CWC27: variants seen among roughly 807,000 people sequenced by gnomAD.
CWC27 encodes CWC27 spliceosome associated cyclophilin.
In CWC27, 47 loss-of-function variants were observed where a neutral mutation model predicts 63.6. That is an observed-to-expected ratio of 0.74 (90% CI 0.58 to 0.94). CWC27 has a LOEUF of 0.94. Ranked by LOEUF, CWC27 falls within the 40% of genes least tolerant of loss-of-function variation. CWC27 has a pLI of 0.00. For synonymous variants in CWC27, 175 were observed against 179.8 expected, an observed-to-expected ratio of 0.97 and a Z score of 0.22; for missense variants, 495 against 554.3, an observed-to-expected ratio of 0.89 and a Z score of 1.07.
intron 11 of CWC27, among the ~76,000 whole-genome samples, chr5:64,903,829 T>G (rs2112367545): frequency 6.6e-6 from 1 of 152,332 alleles, no homozygotes; most frequent in Non-Finnish European, 1.5e-5. Context: ...TATCGTGCAT[T>G]AATTTTTTTG....
chr5:64,788,117 A>G (rs1049354936), intron 6 of CWC27, among the ~76,000 whole-genome samples: 3 of 152,094 alleles, frequency 2.0e-5, no homozygotes, highest in Non-Finnish European at 4.4e-5. Flanking sequence ...TGATTTTTAA[A>G]AATTCTTTGA....
chr5:65,012,220 T>C (rs183024928), intron 13 of CWC27, among the ~76,000 whole-genome samples: 4 of 152,220 alleles, frequency 2.6e-5, no homozygotes, highest in Non-Finnish European at 5.9e-5. Context: ...AATCCATCTT[T>C]ACAGGATGAA....
intron 10 of CWC27, among the ~76,000 whole-genome samples, chr5:64,815,055 T>C (rs1014188093): frequency 6.6e-6 from 1 of 152,122 alleles, no homozygotes; most frequent in Non-Finnish European, 1.5e-5. Context: ...GTAATAAGCA[T>C]TGAGATAGGA....
intron 13 of CWC27, among the ~76,000 whole-genome samples, chr5:64,979,715 C>T (rs547252261): frequency 3.9e-4 from 60 of 152,228 alleles, no homozygotes; most frequent in African/African-American, 1.3e-3. Context: ...AGCCATTGTG[C>T]TGTACTACAC....
At chr5:64,871,366 C>G (rs1746672353) in intron 10 of CWC27, among the ~76,000 whole-genome samples, 2 of 151,936 alleles carry the variant, frequency 1.3e-5, no homozygotes, top group South Asian at 4.2e-4. Flanking sequence ...CCAGTAAAGT[C>G]TTTATGGAGA....
intron 11 of CWC27, among the ~76,000 whole-genome samples, chr5:64,955,096 C>T (rs12656191): frequency 0.39 from 58,658 of 151,846 alleles, 11,829 homozygotes; most frequent in Non-Finnish European, 0.45. Context: ...ATGATATCTA[C>T]TCCCTGCTTC....
intron 10 of CWC27, among the ~76,000 whole-genome samples, chr5:64,815,497 T>C (rs1172451426): frequency 1.3e-5 from 2 of 152,210 alleles, no homozygotes; most frequent in Non-Finnish European, 2.9e-5. Flanking sequence ...GGATGAAGTA[T>C]AAACCTTTCA....
At chr5:64,919,659 C>T (rs898694104) in intron 11 of CWC27, among the ~76,000 whole-genome samples, 10 of 152,148 alleles carry the variant, frequency 6.6e-5, no homozygotes, top group African/African-American at 2.4e-4. Flanking sequence ...TCTCCAGTGC[C>T]ATCCATGTTG....
At chr5:64,893,095 G>A (rs998732499) in intron 11 of CWC27, among the ~76,000 whole-genome samples, 10 of 152,226 alleles carry the variant, frequency 6.6e-5, no homozygotes, top group African/African-American at 2.2e-4. Context: ...GCACACACAC[G>A]TGTTTTATTG....
At chr5:64,956,892 GAATT>G (rs1430350621) in intron 11 of CWC27, among the ~76,000 whole-genome samples, 1 of 152,040 alleles carries the variant, frequency 6.6e-6, no homozygotes, top group Non-Finnish European at 1.5e-5. Context: ...TGTTGTTACA[GAATT>G]AAGTAATAAA....
intron 10 of CWC27, among the ~76,000 whole-genome samples, chr5:64,852,522 A>C (rs1053778293): frequency 6.6e-6 from 1 of 150,940 alleles, no homozygotes; most frequent in Non-Finnish European, 1.5e-5. Flanking sequence ...CAGAGGCTGG[A>C]GTGCAGCGGC....
intron 11 of CWC27, among the ~76,000 whole-genome samples, chr5:64,899,522 C>T (rs73107218): frequency 0.011 from 1,657 of 152,086 alleles, 25 homozygotes; most frequent in African/African-American, 0.038. Context: ...TATGACAACA[C>T]GAAGAGCACA....
chr5:64,863,356 C>T (rs1052837617), intron 10 of CWC27, among the ~76,000 whole-genome samples: 1 of 152,024 alleles, frequency 6.6e-6, no homozygotes, highest in Non-Finnish European at 1.5e-5. Context: ...CTCTTTTACT[C>T]AAGACTAATA....
Position 64,981,669 on chromosome 5 carries a change from TA to T in CWC27, c.1256+4432del, listed in dbSNP as rs534910402. 4.9e-3 allele frequency among the ~76,000 whole-genome samples: 743 copies of T among 152,334 alleles called. 22 individuals carry two copies. The highest frequency in any genetic ancestry group is 0.044 in the Admixed American group (668 of 15,310). Reference sequence around the variant, plus strand: ...GTACTCCAAAGTAAATACTTGTCTTTAGGGCTATTAGAATCTCAAGAATTAA... The same window carrying T: ...GTACTCCAAAGTAAATACTTGTCTTTGGGCTATTAGAATCTCAAGAATTAA... On this transcript the variant is annotated intron_variant, in intron 13 of 13. Coordinates refer to ENST00000381070, the MANE Select transcript of CWC27 (RefSeq NM_005869.4).
chr5:64,821,786 T>G (rs1369666328), intron 10 of CWC27, among the ~76,000 whole-genome samples: 2 of 152,210 alleles, frequency 1.3e-5, no homozygotes, highest in Non-Finnish European at 2.9e-5. Flanking sequence ...TCCCAGAACT[T>G]GGCAATATAG....
Position 64,769,207 on chromosome 5 carries a change from G to T in CWC27, c.42+19G>T. ...TGGGAAGGTGAGAGCCTCATCTAGG[G>T]AACTTGGGGTCCTGGGATCCCCAAA... On this transcript the variant is annotated intron_variant, in intron 1 of 13. Coordinates refer to ENST00000381070, the MANE Select transcript of CWC27 (RefSeq NM_005869.4). 1 of 1,613,226 alleles carries T rather than the reference G, an allele frequency of 6.2e-7. No individual in the cohort carries two copies. The highest frequency in any genetic ancestry group is 8.5e-7 in the Non-Finnish European group (1 of 1,179,230).
chr5:64,905,821 C>T (rs2112370366), intron 11 of CWC27, among the ~76,000 whole-genome samples: 1 of 152,222 alleles, frequency 6.6e-6, no homozygotes, highest in East Asian at 1.9e-4. Context: ...AATGCTGTGC[C>T]TCCCCCTGTC....
intron 10 of CWC27, among the ~76,000 whole-genome samples, chr5:64,821,697 G>A (rs1248928717): frequency 6.6e-6 from 1 of 152,086 alleles, no homozygotes; most frequent in Non-Finnish European, 1.5e-5. Flanking sequence ...AAAGAGTAGG[G>A]GAAGAATGGT....
chr5:64,772,382 T>C (rs868210879), intron 1 of CWC27, among the ~76,000 whole-genome samples: 32 of 152,028 alleles, frequency 2.1e-4, no homozygotes, highest in Admixed American at 5.9e-4. Flanking sequence ...TCCCAGCACT[T>C]TGGGAGACTA....
Sources: allele counts gnomAD v4.1 joint callset (sites outside exome capture counted in the v4.1 genomes callset), GRCh38; gene constraint gnomAD v4.1.1; transcripts MANE v1.5; gene names NCBI Gene and HGNC (gene_info 2026-07-23, HGNC 2026-07-21).